ITPRID1: variants seen among roughly 807,000 people sequenced by gnomAD.
ITPRID1 encodes the protein ITPR interacting domain containing 1, also known as protein ITPRID1.
In ITPRID1, 96 loss-of-function variants were observed where a neutral mutation model predicts 95.4. The ratio of observed to expected loss-of-function variants is 1.01; its 90% CI spans 0.85 to 1.19. The LOEUF (loss-of-function observed/expected upper bound fraction) is 1.19, where lower values mean the gene tolerates loss of function less well. Ranked by LOEUF, ITPRID1 falls within the 50% of genes most tolerant of loss-of-function variation. The pLI is 0.00. For missense variants in ITPRID1, 1,339 were observed against 1,252.9 expected, an observed-to-expected ratio of 1.07 and a Z score of -1.04; for synonymous variants, 510 against 453.6, an observed-to-expected ratio of 1.12 and a Z score of -1.58.
chr7:31,623,804 T>G lies in ITPRID1; in HGVS notation c.1229-18372T>G, dbSNP rs548701478. Among the ~76,000 whole-genome samples the G allele has an allele frequency of 3.3e-5, 5 of 152,176 alleles. No homozygotes were observed. The East Asian group carries it at 9.7e-4, about 29-fold the overall frequency. On this transcript the variant is annotated intron_variant, in intron 10 of 14. Transcript: ENST00000615280. ...GGCAGGAGAAGGAAATAAAGGGTAT[T>G]CAATTAGGAAAAGAGCAAGTCAAAT...
chr7:31,638,836 ACC>A (rs1789732725), intron 10 of ITPRID1, among the ~76,000 whole-genome samples: 1 of 151,872 alleles, frequency 6.6e-6, no homozygotes, highest in Non-Finnish European at 1.5e-5. Context: ...GAGTGGAGTG[ACC>A]CAATCTCAGC....
At chr7:31,609,741 C>CT (rs1047375142) in intron 10 of ITPRID1, among the ~76,000 whole-genome samples, 2 of 151,262 alleles carry the variant, frequency 1.3e-5, no homozygotes, top group Admixed American at 1.3e-4. Flanking sequence ...AGAAAAACTT[C>CT]TTTTTTAAAA....
chr7:31,596,199 A>G (rs1786083509), intron 10 of ITPRID1, among the ~76,000 whole-genome samples: 1 of 151,438 alleles, frequency 6.6e-6, no homozygotes, highest in East Asian at 1.9e-4. Context: ...CATAGGGGAA[A>G]AATAAATAAA....
intron 10 of ITPRID1, among the ~76,000 whole-genome samples, chr7:31,603,487 C>T (rs987641373): frequency 1.7e-4 from 26 of 149,910 alleles, no homozygotes; most frequent in Non-Finnish European, 3.0e-5. Flanking sequence ...TGAGTATGTT[C>T]CAATAGTGTG....
At chr7:31,516,557 T>G (rs1334615414) in intron 1 of ITPRID1, among the ~76,000 whole-genome samples, 1 of 152,158 alleles carries the variant, frequency 6.6e-6, no homozygotes, top group African/African-American at 2.4e-5. Flanking sequence ...AACGGCTTGC[T>G]CTAACAGACA....
intron 1 of ITPRID1, among the ~76,000 whole-genome samples, chr7:31,545,427 G>C (rs1784065402): frequency 6.6e-6 from 1 of 151,984 alleles, no homozygotes; most frequent in African/African-American, 2.4e-5. Flanking sequence ...AGAAATGTTG[G>C]ATAAAGAGGG....
At chr7:31,518,312 A>G (rs953731826) in intron 1 of ITPRID1, 1 of 152,246 alleles carries the variant, frequency 6.6e-6, no homozygotes, top group Non-Finnish European at 1.5e-5. Context: ...ACTAATTTTT[A>G]GACTTCTGAC....
At chr7:31,621,985 A>G (rs1787953166) in intron 10 of ITPRID1, among the ~76,000 whole-genome samples, 1 of 145,516 alleles carries the variant, frequency 6.9e-6, no homozygotes, top group Non-Finnish European at 1.5e-5. Flanking sequence ...CTTTAAACCA[A>G]CAAAGATCAA....
intron 8 of ITPRID1, among the ~76,000 whole-genome samples, chr7:31,575,883 A>AT (rs1392245596): frequency 3.6e-4 from 9 of 25,090 alleles, no homozygotes; most frequent in African/African-American, 6.0e-4. Context: ...TTCAGGAATG[A>AT]TATTTTTTTT....
At chr7:31,582,029 G>A (rs564444747) in intron 9 of ITPRID1, among the ~76,000 whole-genome samples, 5 of 152,312 alleles carry the variant, frequency 3.3e-5, no homozygotes, top group Non-Finnish European at 5.9e-5. Flanking sequence ...TTTTGGCCAT[G>A]TGTACCACAA....
intron 10 of ITPRID1, among the ~76,000 whole-genome samples, chr7:31,617,309 GTATTTCATTGATAAGCTAT>G (rs1787344583): frequency 6.6e-6 from 1 of 152,036 alleles, no homozygotes; most frequent in Admixed American, 6.6e-5. Flanking sequence ...TTCTCAACAA[GTATTTCATTGATAAGCTAT>G]TAAAGAATAA....
At chr7:31,546,894 G>T (rs12701118) in intron 1 of ITPRID1, among the ~76,000 whole-genome samples, 26,974 of 151,996 alleles carry the variant, frequency 0.18, 2,997 homozygotes, top group East Asian at 0.3. Flanking sequence ...AAGATAAAGG[G>T]GTTAGGATTG....
chr7:31,521,620 CTCCTTCCTTCCT>C (rs201520895), intron 1 of ITPRID1, among the ~76,000 whole-genome samples: 3,741 of 69,304 alleles, frequency 0.054, 90 homozygotes, highest in African/African-American at 0.072. Context: ...TCTCCTTTCC[CTCCTTCCTTCCT>C]TCCTTCCTTC....
At chr7:31,518,883 TC>T (rs1783129720) in intron 1 of ITPRID1, among the ~76,000 whole-genome samples, 1 of 152,212 alleles carries the variant, frequency 6.6e-6, no homozygotes, top group Non-Finnish European at 1.5e-5. Flanking sequence ...ATTTCCTGAA[TC>T]TTAATCTTCT....
chr7:31,542,686 TACAC>T (rs1173945715), intron 1 of ITPRID1, among the ~76,000 whole-genome samples: 1 of 152,188 alleles, frequency 6.6e-6, no homozygotes, highest in Admixed American at 6.6e-5. Context: ...ATTAAAAAAT[TACAC>T]AAGCAAAGAT....
chr7:31,657,759 G>A (rs1346861005), downstream of ITPRID1, among the ~76,000 whole-genome samples: 1 of 151,654 alleles, frequency 6.6e-6, no homozygotes, highest in East Asian at 1.9e-4. Flanking sequence ...GAAAATAAAT[G>A]GTATCATTGT....
At chr7:31,553,696 T>G (rs1022795584) in intron 3 of ITPRID1, among the ~76,000 whole-genome samples, 6 of 152,200 alleles carry the variant, frequency 3.9e-5, no homozygotes, top group African/African-American at 1.4e-4. Flanking sequence ...GCAGTTCAAC[T>G]GAAGAACAAT....
At chr7:31,617,944 A>ATGGTAGGAAATGCATTTTAGAAGC (rs1483902914) in intron 10 of ITPRID1, among the ~76,000 whole-genome samples, 5 of 152,240 alleles carry the variant, frequency 3.3e-5, no homozygotes, top group Non-Finnish European at 7.3e-5. Context: ...AGTAAAGAAA[A>ATGGTAGGAAATGCATTTTAGAAGC]TGGTAGGAAA....
chr7:31,656,507 A>G, downstream of ITPRID1: 1 of 969,056 alleles, frequency 1.0e-6, no homozygotes, highest in Non-Finnish European at 1.2e-6. Context: ...AACTGTAATT[A>G]CTGTCTTCCT....
Sources: gnomAD v4.1 joint callset for allele counts (sites outside exome capture counted in the v4.1 genomes callset) on GRCh38, gnomAD v4.1.1 for gene constraint, MANE v1.5 for transcripts, NCBI Gene and HGNC (gene_info 2026-07-23, HGNC 2026-07-21) for gene names.